The following XIRP2 variants were observed in gnomAD, a reference collection of about 807,000 sequenced individuals.
The protein encoded by XIRP2 is xin actin binding repeat containing 2.
A neutral mutation model predicts 277.0 loss-of-function variants in XIRP2; 236 were observed. The observed-to-expected ratio is 0.85, with a 90% CI of 0.77 to 0.95. XIRP2 has a LOEUF of 0.95. XIRP2 is among the 40% of genes least tolerant of loss of function. XIRP2 has a pLI of 0.00. For synonymous variants in XIRP2, 1,490 were observed against 1,416.5 expected (o/e 1.05, Z -1.17); for missense variants, 4,640 against 4,157.5 (o/e 1.12, Z -3.19).
intron 2 of XIRP2, among the ~76,000 whole-genome samples, chr2:167,135,702 AC>A (rs1204125407): frequency 6.6e-6 from 1 of 152,140 alleles, no homozygotes; most frequent in Non-Finnish European, 1.5e-5. Flanking sequence ...CAGAAGTGGA[AC>A]CAGTGGCAGA....
intron 5 of XIRP2, among the ~76,000 whole-genome samples, chr2:167,223,700 G>A (rs1408523805): frequency 6.6e-6 from 1 of 152,092 alleles, no homozygotes; most frequent in Non-Finnish European, 1.5e-5. Flanking sequence ...ATTCTTCAAG[G>A]TCGTAGATTG....
intron 2 of XIRP2, among the ~76,000 whole-genome samples, chr2:167,004,951 GT>G (rs1422024060): frequency 2.6e-5 from 4 of 151,842 alleles, no homozygotes; most frequent in Non-Finnish European, 5.9e-5. Flanking sequence ...GTAACAGTAT[GT>G]TTCAGGTGAA....
rs1004489606 is a variant in XIRP2, at chr2:167,250,289, C to T, written c.8897C>T (p.Ala2966Val). The T allele has an allele frequency of 6.2e-7, 1 of 1,612,952 alleles. No individual in the cohort carries two copies. The highest frequency in any genetic ancestry group is 1.3e-5 in the African/African-American group (1 of 74,782). The change falls in exon 9 of 11, where the codon GCA (alanine) becomes GTA (valine). Residue 2966 changes from alanine to valine, a missense_variant. Ala to Val is a moderately conservative substitution (Grantham distance 64). Transcript: ENST00000409195. ...QILSRVKQFE[A>V]EPNKSGLKTF... The stretch of plus-strand genomic sequence containing the variant: ...TTGTCGAGAGTGAAACAGTTTGAAG[C>T]AGAGCCAAATAAAAGTGGCCTTAAA...
intron 2 of XIRP2, among the ~76,000 whole-genome samples, chr2:167,118,406 A>G (rs549094187): frequency 1.4e-4 from 22 of 151,852 alleles, no homozygotes; most frequent in African/African-American, 5.3e-4. Context: ...TGCTTGAACC[A>G]GGGAGCTGGA....
intron 2 of XIRP2, among the ~76,000 whole-genome samples, chr2:167,044,953 A>AG (rs764087269): frequency 5.9e-5 from 9 of 151,996 alleles, no homozygotes; most frequent in African/African-American, 1.7e-4. Context: ...AGAAATTCTA[A>AG]GAAAAAAAAA....
chr2:166,938,020 T>C (rs546248280), intron 2 of XIRP2, among the ~76,000 whole-genome samples: 113 of 152,320 alleles, frequency 7.4e-4, no homozygotes, highest in African/African-American at 2.6e-3. Flanking sequence ...GGTCTATCAA[T>C]TTTGTTGATC....
chr2:166,977,489 G>T (rs971456714), intron 2 of XIRP2, among the ~76,000 whole-genome samples: 1 of 151,926 alleles, frequency 6.6e-6, no homozygotes, highest in Non-Finnish European at 1.5e-5. Context: ...CATATCAATT[G>T]TACTGTTAAC....
At chr2:166,918,205 T>A (rs1278198802) in intron 2 of XIRP2, among the ~76,000 whole-genome samples, 1 of 152,192 alleles carries the variant, frequency 6.6e-6, no homozygotes, top group Non-Finnish European at 1.5e-5. Flanking sequence ...CCACCAGGAA[T>A]GTTGTGGAAA....
chr2:166,915,645 G>A (rs1007018141), intron 2 of XIRP2, among the ~76,000 whole-genome samples: 1 of 151,970 alleles, frequency 6.6e-6, no homozygotes, highest in Non-Finnish European at 1.5e-5. Flanking sequence ...ATTAATAAGG[G>A]GGTTGACTTT....
intron 2 of XIRP2, among the ~76,000 whole-genome samples, chr2:167,058,713 C>T (rs1041747531): frequency 7.2e-5 from 11 of 152,128 alleles, no homozygotes; most frequent in Non-Finnish European, 1.5e-4. Flanking sequence ...TATGAAAACA[C>T]GTAATATGCT....
chr2:167,075,259 T>C (rs1014651167), intron 2 of XIRP2, among the ~76,000 whole-genome samples: 4 of 151,992 alleles, frequency 2.6e-5, no homozygotes, highest in African/African-American at 4.8e-5. Context: ...CACGGAGAGA[T>C]AGAGGGAGGT....
intron 2 of XIRP2, among the ~76,000 whole-genome samples, chr2:166,908,181 A>G (rs190821755): frequency 1.1e-3 from 174 of 152,264 alleles, no homozygotes; most frequent in African/African-American, 4.1e-3. Flanking sequence ...ATCCTTGAGG[A>G]ATTGCCATAC....
At chr2:167,056,013 C>CT (rs1689028610) in intron 2 of XIRP2, among the ~76,000 whole-genome samples, 1 of 152,132 alleles carries the variant, frequency 6.6e-6, no homozygotes, top group Non-Finnish European at 1.5e-5. Context: ...TAAATACCTT[C>CT]TTTTTCATCT....
chr2:167,075,702 C>T (rs1159123037), intron 2 of XIRP2, among the ~76,000 whole-genome samples: 2 of 152,062 alleles, frequency 1.3e-5, no homozygotes, highest in East Asian at 3.9e-4. Flanking sequence ...AGGGCAATGG[C>T]GTGATCTCCG....
chr2:167,078,537 C>T (rs939705102), intron 2 of XIRP2, among the ~76,000 whole-genome samples: 23 of 151,474 alleles, frequency 1.5e-4, no homozygotes, highest in Admixed American at 1.4e-3. Flanking sequence ...GCGGTTTTTG[C>T]CTTTAACGGC....
chr2:167,032,453 T>C (rs749938192), intron 2 of XIRP2, among the ~76,000 whole-genome samples: 11 of 152,128 alleles, frequency 7.2e-5, no homozygotes, highest in Admixed American at 2.0e-4. Flanking sequence ...ACATATTGGA[T>C]GTAATTAAAC....
chr2:167,095,627 C>T (rs1690288151), intron 2 of XIRP2, among the ~76,000 whole-genome samples: 1 of 151,990 alleles, frequency 6.6e-6, no homozygotes, highest in African/African-American at 2.4e-5. Context: ...TATTGATTTG[C>T]ATATGTTGAA....
chr2:167,066,455 A>C (rs935272290), intron 2 of XIRP2, among the ~76,000 whole-genome samples: 2 of 152,062 alleles, frequency 1.3e-5, no homozygotes, highest in African/African-American at 4.8e-5. Context: ...AATGCCTATT[A>C]TCAAAAAACA....
At chr2:167,093,378 T>A (rs1690204151) in intron 2 of XIRP2, among the ~76,000 whole-genome samples, 1 of 152,102 alleles carries the variant, frequency 6.6e-6, no homozygotes, top group East Asian at 1.9e-4. Flanking sequence ...GCAGGTTTAT[T>A]ACATAGGTAT....
Sources: gnomAD v4.1 joint callset for allele counts (sites outside exome capture counted in the v4.1 genomes callset) on GRCh38, gnomAD v4.1.1 for gene constraint, MANE v1.5 for transcripts, NCBI Gene and HGNC (gene_info 2026-07-23, HGNC 2026-07-21) for gene names.